Variants in EYS observed in about 807,000 individuals in gnomAD.
EYS encodes the protein protein eyes shut homolog.
A neutral mutation model predicts 282.1 loss-of-function variants in EYS; 250 were observed. That is an observed-to-expected ratio of 0.89 (90% CI 0.80 to 0.98). EYS has a LOEUF of 0.98. Among genes scored for constraint, EYS ranks in the 50% least tolerant of loss-of-function variants. The probability of loss-of-function intolerance (pLI) is 0.00; values close to 1 mark genes in which losing one functional copy is unlikely to be tolerated. For missense variants in EYS, 4,016 were observed against 3,709.0 expected (o/e 1.08, Z -2.15); for synonymous variants, 1,355 against 1,282.9 (o/e 1.06, Z -1.20).
chr6:64,426,905 T>A (rs1774429445), intron 28 of EYS, among the ~76,000 whole-genome samples: 1 of 151,964 alleles, frequency 6.6e-6, no homozygotes, highest in African/African-American at 2.4e-5. Context: ...TTCTAGTTAT[T>A]TTTTAGTCAA....
intron 12 of EYS, among the ~76,000 whole-genome samples, chr6:65,124,472 G>C (rs1228682826): frequency 6.6e-6 from 1 of 152,032 alleles, no homozygotes; most frequent in Non-Finnish European, 1.5e-5. Context: ...AATATAATTT[G>C]TCAGAATAAA....
intron 14 of EYS, among the ~76,000 whole-genome samples, chr6:64,991,836 A>G (rs1317209699): frequency 6.6e-6 from 1 of 151,722 alleles, no homozygotes; most frequent in East Asian, 1.9e-4. Flanking sequence ...TCATTTTCCA[A>G]ATTTTTCAGA....
At chr6:65,268,815 A>AG in intron 12 of EYS, among the ~76,000 whole-genome samples, 1 of 41,210 alleles carries the variant, frequency 2.4e-5, no homozygotes, top group African/African-American at 6.6e-5. Context: ...GTTTTTTTTT[A>AG]AAAAAAAGAT....
At chr6:65,638,531 C>T (rs774312239) in intron 2 of EYS, among the ~76,000 whole-genome samples, 13 of 152,192 alleles carry the variant, frequency 8.5e-5, no homozygotes, top group Non-Finnish European at 1.3e-4. Context: ...TGGTTCCTGG[C>T]GTCTCGAAGC....
At chr6:65,061,289 C>T (rs1424487138) in intron 12 of EYS, among the ~76,000 whole-genome samples, 1 of 151,924 alleles carries the variant, frequency 6.6e-6, no homozygotes, top group African/African-American at 2.4e-5. Flanking sequence ...AGTTTGAACA[C>T]ATTCAATAAA....
intron 13 of EYS, among the ~76,000 whole-genome samples, chr6:65,012,235 ATTAT>A (rs1391041644): frequency 2.6e-5 from 4 of 152,198 alleles, no homozygotes; most frequent in African/African-American, 9.6e-5. Flanking sequence ...AAGAAATAGG[ATTAT>A]TTGATTCAAG....
At chr6:64,144,958 T>C (rs1490148106) in intron 31 of EYS, among the ~76,000 whole-genome samples, 1 of 152,168 alleles carries the variant, frequency 6.6e-6, no homozygotes, top group Non-Finnish European at 1.5e-5. Context: ...AAGCTAACTA[T>C]CTCACTCAGA....
intron 28 of EYS, among the ~76,000 whole-genome samples, chr6:64,393,240 C>T (rs1261901815): frequency 6.6e-6 from 1 of 152,108 alleles, no homozygotes; most frequent in African/African-American, 2.4e-5. Context: ...GAAACCATTC[C>T]AATCAATAGA....
chr6:65,137,926 A>G (rs1366004088), intron 12 of EYS, among the ~76,000 whole-genome samples: 1 of 152,116 alleles, frequency 6.6e-6, no homozygotes, highest in African/African-American at 2.4e-5. Flanking sequence ...TGTGTTTATT[A>G]CATATTGGTG....
intron 26 of EYS, among the ~76,000 whole-genome samples, chr6:64,521,118 A>G (rs2150525549): frequency 6.6e-6 from 1 of 151,894 alleles, no homozygotes; most frequent in South Asian, 2.1e-4. Flanking sequence ...TTATCTGAAC[A>G]TGTCTGAGTA....
chr6:63,722,796 C>T (rs1768456328), intron 42 of EYS, among the ~76,000 whole-genome samples: 1 of 152,172 alleles, frequency 6.6e-6, no homozygotes, highest in Admixed American at 6.6e-5. Context: ...TTCTATTCTC[C>T]ATTGTGGTCT....
chr6:64,723,533 C>T (rs181746393), intron 22 of EYS, among the ~76,000 whole-genome samples: 37 of 152,280 alleles, frequency 2.4e-4, no homozygotes, highest in Non-Finnish European at 4.7e-4. Context: ...AAATCTTACG[C>T]CCACTCTCTT....
intron 12 of EYS, among the ~76,000 whole-genome samples, chr6:65,141,627 C>T (rs1764344152): frequency 9.1e-6 from 1 of 109,608 alleles, no homozygotes; most frequent in African/African-American, 4.0e-5. Flanking sequence ...GTCAGTGAGT[C>T]AGTCTGTCTG....
intron 22 of EYS, among the ~76,000 whole-genome samples, chr6:64,739,868 A>G (rs963950257): frequency 1.7e-4 from 26 of 152,156 alleles, no homozygotes; most frequent in Admixed American, 5.9e-4. Flanking sequence ...AATATAAACA[A>G]TACTATTATT....
At chr6:64,440,618 G>A (rs1033459406) in intron 26 of EYS, among the ~76,000 whole-genome samples, 3 of 151,838 alleles carry the variant, frequency 2.0e-5, no homozygotes, top group Non-Finnish European at 4.4e-5. Flanking sequence ...TCCCCATGTA[G>A]CGTTTCAATG....
At chr6:63,965,011 A>T (rs1766238977) in intron 35 of EYS, among the ~76,000 whole-genome samples, 1 of 152,226 alleles carries the variant, frequency 6.6e-6, no homozygotes, top group Non-Finnish European at 1.5e-5. Flanking sequence ...GCAGTAAACC[A>T]GTTTATACTT....
At chr6:65,064,222 T>A (rs1032115604) in intron 12 of EYS, among the ~76,000 whole-genome samples, 2 of 141,632 alleles carry the variant, frequency 1.4e-5, no homozygotes, top group African/African-American at 5.3e-5. Context: ...ATATATTATA[T>A]ATGTATGATA....
intron 36 of EYS, among the ~76,000 whole-genome samples, chr6:63,836,692 G>A (rs1169744534): frequency 6.6e-6 from 1 of 151,910 alleles, no homozygotes; most frequent in Non-Finnish European, 1.5e-5. Flanking sequence ...AAATTTTTTG[G>A]CATTAAAATG....
At chr6:64,205,876 A>G (rs13204894) in intron 31 of EYS, among the ~76,000 whole-genome samples, 7 of 150,026 alleles carry the variant, frequency 4.7e-5, no homozygotes, top group Non-Finnish European at 1.0e-4. Flanking sequence ...GAGAGAGAGA[A>G]AGAAATTCAC....
Sources: allele counts gnomAD v4.1 joint callset (sites outside exome capture counted in the v4.1 genomes callset), GRCh38; gene constraint gnomAD v4.1.1; transcripts MANE v1.5; gene names NCBI Gene and HGNC (gene_info 2026-07-23, HGNC 2026-07-21).